The following KDM2A variants were observed in gnomAD, a reference collection of about 807,000 sequenced individuals.
The protein encoded by KDM2A is lysine-specific demethylase 2A.
KDM2A carries 3 observed loss-of-function variants against 137.3 expected under a neutral mutation model. That is an observed-to-expected ratio of 0.02 (90% CI 0.01 to 0.06). The LOEUF (loss-of-function observed/expected upper bound fraction) is 0.06. Among genes scored for constraint, KDM2A ranks in the 10% least tolerant of loss-of-function variants. The probability of loss-of-function intolerance (pLI) is 1.00; values close to 1 mark genes in which losing one functional copy is unlikely to be tolerated. For synonymous variants in KDM2A, 512 were observed against 541.5 expected (o/e 0.95, Z 0.76); for missense variants, 738 against 1,510.6 (o/e 0.49, Z 8.48).
chr11:67,142,370 G>C, intron 2 of KDM2A, among the ~76,000 whole-genome samples: 1 of 150,408 alleles, frequency 6.6e-6, no homozygotes, highest in African/African-American at 2.4e-5. Context: ...TAAAAATAAG[G>C]CTGGGTGTGG....
rs371288013 is a variant in KDM2A at position 67,231,772 on chromosome 11, C to T, written c.1291C>T (p.Arg431Trp). ...LAGDSSSDCS[R>W]GSHNGQVWDP... is the part of the protein sequence containing the mutation. ...TGGGGACTCATCTTCTGACTGTAGC[C>T]GGGGCTCCCACAATGGACAAGTGTG... Residue 431 changes from arginine (R) to tryptophan (W), a missense_variant, in exon 12 of 21, where the codon CGG becomes TGG. Arg to Trp is a moderately radical substitution (Grantham distance 101). Coordinates refer to ENST00000529006, the MANE Select transcript of KDM2A (RefSeq NM_012308.3). 8 of 1,613,870 alleles carry T rather than the reference C, an allele frequency of 5.0e-6. No homozygotes were observed. The highest frequency in any genetic ancestry group is 3.3e-5 in the South Asian group (3 of 91,090).
intron 2 of KDM2A, among the ~76,000 whole-genome samples, chr11:67,124,563 C>T (rs1014425039): frequency 2.0e-5 from 3 of 150,022 alleles, no homozygotes; most frequent in Admixed American, 6.7e-5. Context: ...TCACCCACCT[C>T]GGCCTCCCAA....
At position 67,228,156 on chromosome 11, in the gene KDM2A, C is replaced by G; in HGVS notation, c.1077C>G (p.Leu359=). Residue 359 remains leucine (L), a synonymous_variant, in exon 11 of 21, where the codon CTC becomes CTG. Transcript: ENST00000529006. ...CTAAGGAATTTCAGAAAGAGTCCCT[C>G]AGCATGGGTAAGTATTCTGCCTATA... ...HLTKEFQKES[L]SMDLELNGLE... The G allele has an allele frequency of 6.2e-7, 1 of 1,613,950 alleles. No homozygotes were observed. Among genetic ancestry groups the G allele is most frequent in the Admixed American group, 1.7e-5 (1 of 60,016 alleles).
chr11:67,243,034 G>T lies in KDM2A; in HGVS notation c.1505G>T (p.Ser502Ile). 1 of 1,613,768 alleles carries T rather than the reference G, an allele frequency of 6.2e-7. No individual in the cohort carries two copies. ...ATTTTGCTGGAGGAGCTTGCCAACAGCGATCCCAAGTTAGCCCTCACTGGA... is the reference window on the plus strand; with the variant it reads ...ATTTTGCTGGAGGAGCTTGCCAACATCGATCCCAAGTTAGCCCTCACTGGA... ...VKILLEELAN[S>I]DPKLALTGVP... is the part of the protein sequence containing the mutation. The change falls in exon 13 of 21, where the codon AGC becomes ATC. Residue 502 changes from serine to isoleucine, a missense_variant. Physicochemically the swap from Ser to Ile is moderately radical, Grantham distance 142. Around this residue, in one of 9 missense-constraint regions of KDM2A, gnomAD observed 71 missense variants for 147.9 expected, o/e 0.48. Transcript: ENST00000529006.
chr11:67,253,386 G>A, intron 18 of KDM2A, 67 bp from the exon 19 acceptor site: 2 of 1,439,824 alleles, frequency 1.4e-6, no homozygotes, highest in Non-Finnish European at 1.9e-6. Context: ...ACTTTGCTCA[G>A]ATCGTTACGG....
intron 6 of KDM2A, among the ~76,000 whole-genome samples, chr11:67,212,773 A>C (rs370368797): frequency 3.3e-5 from 5 of 151,058 alleles, no homozygotes; most frequent in African/African-American, 1.2e-4. Context: ...TCTGTGAATG[A>C]ATGCGTGGTA....
intron 2 of KDM2A, among the ~76,000 whole-genome samples, chr11:67,139,627 C>T (rs556615288): frequency 1.3e-5 from 2 of 152,212 alleles, no homozygotes; most frequent in East Asian, 1.9e-4. Flanking sequence ...GATCCTTCTG[C>T]CTCAGCCTCT....
intron 2 of KDM2A, among the ~76,000 whole-genome samples, chr11:67,177,289 A>T (rs1856991485): frequency 6.6e-6 from 1 of 152,134 alleles, no homozygotes; most frequent in South Asian, 2.1e-4. Context: ...TACTACTAGT[A>T]ATAAAACTAA....
At chr11:67,189,248 C>T (rs182504300) in intron 5 of KDM2A, among the ~76,000 whole-genome samples, 1 of 152,218 alleles carries the variant, frequency 6.6e-6, no homozygotes, top group African/African-American at 2.4e-5. Context: ...AAATCAATAA[C>T]AGGTAAAACT....
At chr11:67,249,747 A>G (rs1859350791) in intron 16 of KDM2A, among the ~76,000 whole-genome samples, 1 of 152,250 alleles carries the variant, frequency 6.6e-6, no homozygotes, top group Non-Finnish European at 1.5e-5. Context: ...TGTCAGACTC[A>G]GGATCTTAGT....
At chr11:67,206,090 C>A (rs1360092354) in intron 5 of KDM2A, among the ~76,000 whole-genome samples, 1 of 152,122 alleles carries the variant, frequency 6.6e-6, no homozygotes. Context: ...TATTAATGTT[C>A]AGAGAAATTA....
intron 2 of KDM2A, among the ~76,000 whole-genome samples, chr11:67,122,738 C>T: frequency 6.6e-6 from 1 of 151,006 alleles, no homozygotes. Flanking sequence ...TGCAGTGGCG[C>T]AATCTCTGCT....
chr11:67,246,964 G>A (rs376819117), intron 15 of KDM2A, among the ~76,000 whole-genome samples: 17 of 142,892 alleles, frequency 1.2e-4, no homozygotes, highest in African/African-American at 4.1e-4. Flanking sequence ...TTGAGACATA[G>A]CCTTGTGTTG....
intron 2 of KDM2A, among the ~76,000 whole-genome samples, chr11:67,139,787 G>T (rs1344241107): frequency 6.6e-6 from 1 of 152,078 alleles, no homozygotes; most frequent in East Asian, 1.9e-4. Flanking sequence ...TTGGCTCACT[G>T]CAACCTTTGC....
intron 15 of KDM2A, among the ~76,000 whole-genome samples, chr11:67,247,945 G>C (rs1859300674): frequency 1.3e-5 from 2 of 152,138 alleles, no homozygotes; most frequent in Admixed American, 6.5e-5. Context: ...CTATAAGGTG[G>C]GTTTTGTTGT....
rs544634460 is a variant in KDM2A at position 67,176,237 on chromosome 11, A to G, written c.43-3842A>G. On this transcript the variant is annotated intron_variant, in intron 2 of 20. Coordinates refer to ENST00000529006, the MANE Select transcript of KDM2A (RefSeq NM_012308.3). ...GCTTTCCTCTGGTATGTAATAGTCA[A>G]GTTTATTTCTTTCATTTTTTATGAC... Among the ~76,000 whole-genome samples, 51 of 152,180 alleles carry G rather than the reference A, an allele frequency of 3.4e-4. 1 individual carries two copies. In the South Asian group the frequency reaches 8.9e-3, roughly 27 times the overall value.
intron 10 of KDM2A, among the ~76,000 whole-genome samples, 168 bp from the exon 11 acceptor site, chr11:67,227,869 A>G (rs571756182): frequency 1.5e-4 from 23 of 152,286 alleles, no homozygotes; most frequent in Admixed American, 3.3e-4. Flanking sequence ...CTCAAGACCA[A>G]CGTTTTCTAA....
In KDM2A at chr11:67,250,281, G is replaced by A; in HGVS notation, c.2251G>A (p.Ala751Thr). The A allele has an allele frequency of 6.2e-7, 1 of 1,613,892 alleles. No individual in the cohort carries two copies. The highest frequency in any genetic ancestry group is 8.5e-7 in the Non-Finnish European group (1 of 1,179,880). Residue 751 changes from alanine (A) to threonine (T), a missense_variant, in exon 17 of 21, where the codon GCC (alanine) becomes ACC (threonine). Around this residue, in one of 9 missense-constraint regions of KDM2A, gnomAD observed 244 missense variants for 324.6 expected, o/e 0.75. Coordinates refer to ENST00000529006, the MANE Select transcript of KDM2A (RefSeq NM_012308.3). This position sits in a 1 kb window ranked among gnomAD's most constrained non-coding sequence, Gnocchi z 7.1. ...PGAGPSDHHS[A>T]SRDERFKRRQ... Reference sequence around the variant, plus strand: ...GGCTGGCCCCAGCGACCACCACAGTGCCAGCCGCGATGAGCGCTTCAAACG... The same window carrying A: ...GGCTGGCCCCAGCGACCACCACAGTACCAGCCGCGATGAGCGCTTCAAACG...
intron 12 of KDM2A, among the ~76,000 whole-genome samples, chr11:67,241,928 G>A (rs1248577218): frequency 6.6e-6 from 1 of 152,104 alleles, no homozygotes; most frequent in Non-Finnish European, 1.5e-5. Context: ...AATTAGCTGG[G>A]TATGGTGGCA....
Sources: gnomAD v4.1 joint callset for allele counts (sites outside exome capture counted in the v4.1 genomes callset) on GRCh38, gnomAD v4.1.1 for gene constraint, gnomAD v4.1.1 regional missense constraint, Gnocchi (gnomAD v3.1) non-coding constraint, MANE v1.5 for transcripts, NCBI Gene and HGNC (gene_info 2026-07-23, HGNC 2026-07-21) for gene names.